PHACTR1: variants seen among roughly 807,000 people sequenced by gnomAD.
PHACTR1 encodes phosphatase and actin regulator 1.
Under a neutral mutation model 69.2 loss-of-function variants are expected in PHACTR1, and 16 were observed. The ratio of observed to expected loss-of-function variants is 0.23; its 90% CI spans 0.16 to 0.35. The LOEUF (loss-of-function observed/expected upper bound fraction) is 0.35. PHACTR1 is among the 10% of genes least tolerant of loss of function. PHACTR1 has a pLI of 1.00. For missense variants in PHACTR1, 510 were observed against 734.7 expected (o/e 0.69, Z 3.54); for synonymous variants, 312 against 284.5 (o/e 1.10, Z -0.97).
At chr6:13,276,335 G>A (rs1189357201) in intron 11 of PHACTR1, among the ~76,000 whole-genome samples, 1 of 152,188 alleles carries the variant, frequency 6.6e-6, no homozygotes, top group Non-Finnish European at 1.5e-5. Flanking sequence ...GGCCCGTGGG[G>A]GTGGCCCTCA....
intron 4 of PHACTR1, among the ~76,000 whole-genome samples, chr6:12,944,777 A>ATTTTTTTTTTTTT (rs757721726): frequency 2.9e-5 from 4 of 135,762 alleles, no homozygotes; most frequent in African/African-American, 1.2e-4. Flanking sequence ...TTATTTATTT[A>ATTTTTTTTTTTTT]TTTTTATTTA....
chr6:13,234,172 A>G (rs1446688912), intron 10 of PHACTR1, among the ~76,000 whole-genome samples: 1 of 152,232 alleles, frequency 6.6e-6, no homozygotes, highest in African/African-American at 2.4e-5. Context: ...TGAAGGGGAA[A>G]TCCAAGAACC....
In PHACTR1 at chr6:13,195,775, A is replaced by AG. The variant is rs1455281010; in HGVS notation, c.665-10040_665-10039insG. Among the ~76,000 whole-genome samples, 154 of 142,216 alleles carry AG rather than the reference A, an allele frequency of 1.1e-3. 8 individuals carry two copies. Among genetic ancestry groups the AG allele is most frequent in the African/African-American group, 3.9e-3 (150 of 38,194 alleles). 93.3% of individuals were successfully genotyped at this position (142,216 alleles called of 152,430 possible). A position where few individuals can be genotyped will look rare whatever the true frequency, so the allele number is the denominator to read the frequency against. Reference sequence around the variant, plus strand: ...ACCGTCTCAAAAAAAAAAAAAAAAAAAAAAAGTTCATTTGTGGTGGTAAGA... The same window carrying AG: ...ACCGTCTCAAAAAAAAAAAAAAAAAAGAAAAAGTTCATTTGTGGTGGTAAGA... On this transcript the variant is annotated intron_variant, in intron 7 of 14. Transcript: ENST00000332995.
chr6:13,027,150 G>A (rs1801806930), intron 4 of PHACTR1, among the ~76,000 whole-genome samples: 1 of 152,100 alleles, frequency 6.6e-6, no homozygotes, highest in South Asian at 2.1e-4. Flanking sequence ...GGGAGAAAGA[G>A]GGTACCGGGT....
In PHACTR1 at chr6:13,185,815, T is replaced by C. The variant is rs139091938; in HGVS notation, c.664+3129T>C. ...ATTTTGACAAATAATACCTAGGTAA[T>C]CATTGTAACATTTTGTAACATGTAA... On this transcript the variant is annotated intron_variant, in intron 7 of 14. Coordinates refer to ENST00000332995, the MANE Select transcript of PHACTR1 (RefSeq NM_030948.6). Among the ~76,000 whole-genome samples the C allele has an allele frequency of 3.0e-3, 453 of 152,334 alleles. 3 individuals carry two copies. Among genetic ancestry groups the C allele is most frequent in the African/African-American group, 0.01 (436 of 41,578 alleles).
chr6:13,224,476 G>A (rs370760868), intron 8 of PHACTR1, among the ~76,000 whole-genome samples: 6 of 152,230 alleles, frequency 3.9e-5, no homozygotes, highest in South Asian at 2.1e-4. Context: ...GCCAAATTAT[G>A]TAGGGTGTGG....
chr6:13,152,689 G>T (rs926353464), intron 5 of PHACTR1, among the ~76,000 whole-genome samples: 3 of 152,176 alleles, frequency 2.0e-5, no homozygotes, highest in East Asian at 3.9e-4. Context: ...TGCAAAGATT[G>T]GTGTGTTTTA....
rs539768439 is a variant in PHACTR1, at chr6:12,916,982, C to T, written c.251-136383C>T. 6.2e-4 allele frequency among the ~76,000 whole-genome samples: 94 copies of T among 152,272 alleles called. No individual in the cohort carries two copies. The Middle Eastern group carries it at 0.01, about 17-fold the overall frequency. ...AGGATACTGTAGTGCTTCACTCATG[C>T]TCACTCAGAAATCCAAACGACTTCT... On this transcript the variant is annotated intron_variant, in intron 4 of 14. Transcript: ENST00000332995.
chr6:13,160,143 C>A, intron 5 of PHACTR1, 61 bp from the exon 6 acceptor site: 1 of 1,448,682 alleles, frequency 6.9e-7, no homozygotes, highest in Non-Finnish European at 9.7e-7. Context: ...ACATAGGATC[C>A]TTTAGAAGAC....
chr6:12,868,874 T>A (rs1381295872), intron 4 of PHACTR1, among the ~76,000 whole-genome samples: 1 of 151,696 alleles, frequency 6.6e-6, no homozygotes. Flanking sequence ...GCCAGGAAAA[T>A]ATAAGAACCT....
At chr6:12,818,435 A>G (rs1393802031) in intron 4 of PHACTR1, among the ~76,000 whole-genome samples, 1 of 152,186 alleles carries the variant, frequency 6.6e-6, no homozygotes, top group African/African-American at 2.4e-5. Flanking sequence ...TCTAGCAGCT[A>G]CAGAGGGCAA....
chr6:12,835,992 GT>G (rs1221337906), intron 4 of PHACTR1, among the ~76,000 whole-genome samples: 3 of 152,134 alleles, frequency 2.0e-5, no homozygotes, highest in Admixed American at 6.6e-5. Flanking sequence ...TAAATCCTCA[GT>G]GTGCCCACAT....
intron 4 of PHACTR1, among the ~76,000 whole-genome samples, chr6:12,768,805 T>A (rs1769002274): frequency 7.6e-6 from 1 of 131,178 alleles, no homozygotes; most frequent in Non-Finnish European, 1.6e-5. Context: ...GAAAATGTGC[T>A]ATCTACACAC....
At chr6:12,790,574 T>C (rs1772145407) in intron 4 of PHACTR1, among the ~76,000 whole-genome samples, 1 of 152,246 alleles carries the variant, frequency 6.6e-6, no homozygotes, top group Non-Finnish European at 1.5e-5. Context: ...CCAGTGATCC[T>C]TGTCTGTTTT....
At position 13,246,515 on chromosome 6, in the gene PHACTR1, T is replaced by C. The variant is rs1773604854; in HGVS notation, c.1391+16322T>C. On this transcript the variant is annotated intron_variant, in intron 10 of 14. Coordinates refer to ENST00000332995, the MANE Select transcript of PHACTR1 (RefSeq NM_030948.6). This position sits in a 1 kb window ranked among gnomAD's most constrained non-coding sequence, Gnocchi z 4.2. ...CTTTTGCTGGTACCTTAATTTAGAG[T>C]TGGCCTATTCTTGTGATTCTTTCAA... Among the ~76,000 whole-genome samples the C allele has an allele frequency of 6.6e-6, 1 of 151,698 alleles. No homozygotes were observed. The highest frequency in any genetic ancestry group is 1.5e-5 in the Non-Finnish European group (1 of 67,984).
At chr6:12,945,358 T>C (rs899607488) in intron 4 of PHACTR1, among the ~76,000 whole-genome samples, 6 of 152,240 alleles carry the variant, frequency 3.9e-5, no homozygotes, top group African/African-American at 1.2e-4. Context: ...ACTTATCCAC[T>C]GTTCAGTCAA....
At chr6:13,153,333 T>C (rs545503047) in intron 5 of PHACTR1, among the ~76,000 whole-genome samples, 1 of 152,322 alleles carries the variant, frequency 6.6e-6, no homozygotes, top group East Asian at 1.9e-4. Flanking sequence ...ATGCCAACCT[T>C]TAAATACAGT....
chr6:12,738,401 A>C (rs759327162), intron 3 of PHACTR1, among the ~76,000 whole-genome samples: 6 of 152,126 alleles, frequency 3.9e-5, no homozygotes, highest in Non-Finnish European at 8.8e-5. Context: ...TATGGGGGGA[A>C]ACTTTAAGGC....
intron 5 of PHACTR1, among the ~76,000 whole-genome samples, chr6:13,129,081 C>T (rs527711546): frequency 2.5e-4 from 38 of 152,116 alleles, no homozygotes; most frequent in Non-Finnish European, 4.6e-4. Context: ...AGAGATAAAG[C>T]CTTTTTTCAG....
Sources: allele counts gnomAD v4.1 joint callset (sites outside exome capture counted in the v4.1 genomes callset), GRCh38; gene constraint gnomAD v4.1.1; non-coding constraint Gnocchi (gnomAD v3.1); transcripts MANE v1.5; gene names NCBI Gene and HGNC (gene_info 2026-07-23, HGNC 2026-07-21).